Variants in AUTS2 observed in about 807,000 individuals in gnomAD.
AUTS2 encodes activator of transcription and developmental regulator AUTS2, also known as autism susceptibility gene 2 protein.
AUTS2 carries 17 observed loss-of-function variants against 112.4 expected under a neutral mutation model. The observed-to-expected ratio is 0.15, with a 90% CI of 0.10 to 0.23. The LOEUF (loss-of-function observed/expected upper bound fraction) is 0.23. Ranked by LOEUF, AUTS2 falls within the 10% of genes least tolerant of loss-of-function variation. The pLI is 1.00. For synonymous variants in AUTS2, 751 were observed against 702.7 expected, an observed-to-expected ratio of 1.07 and a Z score of -1.09; for missense variants, 1,510 against 1,701.6, an observed-to-expected ratio of 0.89 and a Z score of 1.98.
intron 2 of AUTS2, among the ~76,000 whole-genome samples, chr7:69,972,673 G>C (rs997283361): frequency 8.9e-6 from 1 of 111,876 alleles, no homozygotes; most frequent in Non-Finnish European, 2.1e-5. Context: ...GTGCGTGCAT[G>C]TGTGTGTGTG....
At chr7:69,755,357 T>A (rs1462957794) in intron 1 of AUTS2, among the ~76,000 whole-genome samples, 1 of 152,214 alleles carries the variant, frequency 6.6e-6, no homozygotes, top group Non-Finnish European at 1.5e-5. Flanking sequence ...TAGTCTTTAA[T>A]TAAAACAACA....
At chr7:69,738,508 C>T (rs900804004) in intron 1 of AUTS2, among the ~76,000 whole-genome samples, 1 of 152,110 alleles carries the variant, frequency 6.6e-6, no homozygotes, top group Non-Finnish European at 1.5e-5. Context: ...TGTTCCCTCT[C>T]CCCAGCTGAT....
chr7:70,428,220 C>G (rs959582212), intron 4 of AUTS2, among the ~76,000 whole-genome samples: 36 of 152,170 alleles, frequency 2.4e-4, no homozygotes, highest in African/African-American at 8.2e-4. Flanking sequence ...TTCACTTAGT[C>G]CAAAACCAAT....
chr7:70,323,559 AT>A (rs772054333), intron 4 of AUTS2, among the ~76,000 whole-genome samples: 3 of 152,148 alleles, frequency 2.0e-5, no homozygotes, highest in Non-Finnish European at 4.4e-5. Context: ...TAAAGAGGAA[AT>A]TCTTCTGTTT....
chr7:70,706,699 C>T (rs1466721940), intron 6 of AUTS2, among the ~76,000 whole-genome samples: 1 of 151,484 alleles, frequency 6.6e-6, no homozygotes, highest in Non-Finnish European at 1.5e-5. Context: ...AAATTAAATG[C>T]TTTTTTATTG....
chr7:69,761,414 C>T (rs1020872034), intron 1 of AUTS2, among the ~76,000 whole-genome samples: 1 of 152,020 alleles, frequency 6.6e-6, no homozygotes, highest in Admixed American at 6.6e-5. Flanking sequence ...TGGGGGACAC[C>T]GACGTCTGTT....
At chr7:70,309,470 G>A (rs1413553629) in intron 4 of AUTS2, among the ~76,000 whole-genome samples, 1 of 152,166 alleles carries the variant, frequency 6.6e-6, no homozygotes, top group Non-Finnish European at 1.5e-5. Context: ...CACATAGAAA[G>A]CTGCCTTTTT....
At chr7:70,626,568 G>A (rs1804961916) in intron 5 of AUTS2, among the ~76,000 whole-genome samples, 1 of 151,810 alleles carries the variant, frequency 6.6e-6, no homozygotes, top group Admixed American at 6.6e-5. Context: ...TTGTTACATG[G>A]GTATATTTTG....
chr7:69,840,372 T>A (rs774677964), intron 1 of AUTS2, among the ~76,000 whole-genome samples: 7 of 152,230 alleles, frequency 4.6e-5, no homozygotes, highest in Non-Finnish European at 1.0e-4. Context: ...AGCGCTAATT[T>A]AAAATGTCTG....
At chr7:69,850,983 T>C (rs908923355) in intron 1 of AUTS2, among the ~76,000 whole-genome samples, 2 of 152,232 alleles carry the variant, frequency 1.3e-5, no homozygotes, top group African/African-American at 4.8e-5. Flanking sequence ...GCTTTACATT[T>C]TACATTTAAA....
chr7:70,619,902 C>T (rs553572957), intron 5 of AUTS2, among the ~76,000 whole-genome samples: 2 of 152,302 alleles, frequency 1.3e-5, no homozygotes, highest in East Asian at 1.9e-4. Flanking sequence ...CACACCCATT[C>T]ACTGTTCAGG....
intron 12 of AUTS2, chr7:70,774,442 A>T (rs1419258066): frequency 4.1e-6 from 1 of 242,978 alleles, no homozygotes; most frequent in Non-Finnish European, 8.0e-6. Context: ...TGAAGTAGCT[A>T]CAGAATGTTT....
At chr7:70,521,966 A>G (rs1799664003) in intron 5 of AUTS2, among the ~76,000 whole-genome samples, 2 of 152,168 alleles carry the variant, frequency 1.3e-5, no homozygotes, top group African/African-American at 4.8e-5. Flanking sequence ...GAAATAACAT[A>G]TCAGATGTTC....
intron 1 of AUTS2, among the ~76,000 whole-genome samples, chr7:69,647,207 T>C (rs1221085761): frequency 6.6e-6 from 1 of 152,182 alleles, no homozygotes; most frequent in African/African-American, 2.4e-5. Context: ...GTTTACCGTT[T>C]TAATGATTGG....
At chr7:70,438,233 C>T (rs1312313406) in intron 5 of AUTS2, among the ~76,000 whole-genome samples, 1 of 152,040 alleles carries the variant, frequency 6.6e-6, no homozygotes, top group Non-Finnish European at 1.5e-5. Context: ...AGTAAAGTGT[C>T]GGAATAATGG....
intron 4 of AUTS2, among the ~76,000 whole-genome samples, chr7:70,181,255 G>A (rs1809283885): frequency 6.6e-6 from 1 of 152,126 alleles, no homozygotes; most frequent in Non-Finnish European, 1.5e-5. Flanking sequence ...GAACATGCTT[G>A]TACAGATCTC....
At chr7:70,276,570 G>T (rs111273726) in intron 4 of AUTS2, among the ~76,000 whole-genome samples, 2 of 151,888 alleles carry the variant, frequency 1.3e-5, no homozygotes, top group Non-Finnish European at 2.9e-5. Flanking sequence ...GTAGAGATAG[G>T]GTTTTGCCAT....
chr7:70,182,309 T>C (rs1809361320), intron 4 of AUTS2, among the ~76,000 whole-genome samples: 1 of 152,224 alleles, frequency 6.6e-6, no homozygotes, highest in African/African-American at 2.4e-5. Flanking sequence ...GTGATATTTC[T>C]TTACCCTTAG....
chr7:69,824,553 C>T (rs936568938), intron 1 of AUTS2: 1 of 151,442 alleles, frequency 6.6e-6, no homozygotes, highest in Non-Finnish European at 1.5e-5. Context: ...TTTTAATCGC[C>T]GATCTTGGTT....
Sources: allele counts gnomAD v4.1 joint callset (sites outside exome capture counted in the v4.1 genomes callset), GRCh38; gene constraint gnomAD v4.1.1; transcripts MANE v1.5; gene names NCBI Gene and HGNC (gene_info 2026-07-23, HGNC 2026-07-21).